GRM5: variants seen among roughly 807,000 people sequenced by gnomAD.
GRM5 encodes glutamate metabotropic receptor 5.
A neutral mutation model predicts 83.1 loss-of-function variants in GRM5; 19 were observed. The ratio of observed to expected loss-of-function variants is 0.23; its 90% CI spans 0.16 to 0.34. The LOEUF (loss-of-function observed/expected upper bound fraction) is 0.34. GRM5 is among the 10% of genes least tolerant of loss of function. The probability of loss-of-function intolerance (pLI) is 1.00; values close to 1 mark genes in which losing one functional copy is unlikely to be tolerated. For synonymous variants in GRM5, 675 were observed against 633.6 expected (o/e 1.07, Z -0.98); for missense variants, 1,160 against 1,588.3 (o/e 0.73, Z 4.58).
chr11:88,954,790 A>G (rs1938559142), intron 2 of GRM5, among the ~76,000 whole-genome samples: 1 of 152,124 alleles, frequency 6.6e-6, no homozygotes. Context: ...TGTTGGCATG[A>G]TAAAGTAGGC....
At chr11:88,532,876 G>A (rs1049864231) in intron 8 of GRM5, among the ~76,000 whole-genome samples, 1 of 152,094 alleles carries the variant, frequency 6.6e-6, no homozygotes, top group African/African-American at 2.4e-5. Flanking sequence ...TTTGTAATCA[G>A]TCAGCATATA....
chr11:88,993,057 A>T (rs1313010565), intron 2 of GRM5, among the ~76,000 whole-genome samples: 4 of 150,772 alleles, frequency 2.7e-5, no homozygotes, highest in Admixed American at 1.3e-4. Flanking sequence ...AAAATAAATA[A>T]AAAAAAAGAT....
chr11:88,638,072 G>A (rs961482631), intron 4 of GRM5, among the ~76,000 whole-genome samples: 8 of 148,818 alleles, frequency 5.4e-5, no homozygotes, highest in African/African-American at 1.5e-4. Flanking sequence ...ACCAAACACT[G>A]CGTATTCTCA....
intron 7 of GRM5, among the ~76,000 whole-genome samples, chr11:88,588,106 C>A (rs189517590): frequency 6.6e-6 from 1 of 152,300 alleles, no homozygotes; most frequent in East Asian, 1.9e-4. Flanking sequence ...TCAGCACCTT[C>A]TTCAAGTAAT....
intron 2 of GRM5, among the ~76,000 whole-genome samples, chr11:88,863,737 AT>A (rs1944610667): frequency 6.6e-6 from 1 of 152,158 alleles, no homozygotes; most frequent in East Asian, 1.9e-4. Context: ...TAGCTTAATT[AT>A]TGTTTATAGA....
chr11:88,779,638 C>T (rs1942934638), intron 3 of GRM5, among the ~76,000 whole-genome samples: 1 of 152,160 alleles, frequency 6.6e-6, no homozygotes, highest in Non-Finnish European at 1.5e-5. Context: ...CTCATACCCA[C>T]CCACGCACAG....
At chr11:88,921,284 G>C (rs1363908648) in intron 2 of GRM5, among the ~76,000 whole-genome samples, 1 of 152,082 alleles carries the variant, frequency 6.6e-6, no homozygotes, top group Admixed American at 6.6e-5. Flanking sequence ...ATGCTGAAAA[G>C]GCATTTGATA....
At position 88,904,718 on chromosome 11, in the gene GRM5, C is replaced by T. The variant is rs552622688; in HGVS notation, c.662-54563G>A. Among the ~76,000 whole-genome samples the T allele has an allele frequency of 2.6e-4, 39 of 152,210 alleles. No individual in the cohort carries two copies. In the Middle Eastern group the frequency reaches 0.01, roughly 40 times the overall value. On this transcript the variant is annotated intron_variant, in intron 2 of 9. Coordinates refer to ENST00000305447, the MANE Select transcript of GRM5 (RefSeq NM_001143831.3). The stretch of plus-strand genomic sequence containing the variant: ...CCATCCTATATGTGCATGTATTACA[C>T]ACAATGCATTTTATCTCTAGAATAT...
At chr11:88,925,100 T>C (rs181110140) in intron 2 of GRM5, among the ~76,000 whole-genome samples, 10 of 152,102 alleles carry the variant, frequency 6.6e-5, no homozygotes, top group African/African-American at 1.9e-4. Context: ...TGTTGAAACA[T>C]AGATAGATAC....
chr11:88,595,738 CTCT>C (rs1937781229), intron 6 of GRM5, among the ~76,000 whole-genome samples: 1 of 152,084 alleles, frequency 6.6e-6, no homozygotes, highest in African/African-American at 2.4e-5. Flanking sequence ...CTCATTGTTC[CTCT>C]TCTTTGACCT....
chr11:88,831,137 C>A (rs1015129078), intron 3 of GRM5, among the ~76,000 whole-genome samples: 2 of 152,148 alleles, frequency 1.3e-5, no homozygotes, highest in African/African-American at 4.8e-5. Flanking sequence ...AGTGAGGTAC[C>A]ATTTTGAGAG....
At chr11:88,762,290 C>T (rs970208339) in intron 3 of GRM5, among the ~76,000 whole-genome samples, 15 of 152,104 alleles carry the variant, frequency 9.9e-5, no homozygotes, top group African/African-American at 1.7e-4. Flanking sequence ...AACTGTGCAT[C>T]TGACAAAGGT....
At chr11:88,715,883 G>A (rs906222805) in intron 3 of GRM5, among the ~76,000 whole-genome samples, 3 of 151,876 alleles carry the variant, frequency 2.0e-5, no homozygotes, top group Non-Finnish European at 2.9e-5. Flanking sequence ...TGAAAGAACC[G>A]AATTAGACTA....
At chr11:88,792,929 G>A (rs552399061) in intron 3 of GRM5, among the ~76,000 whole-genome samples, 1 of 152,192 alleles carries the variant, frequency 6.6e-6, no homozygotes, top group East Asian at 1.9e-4. Flanking sequence ...AGATGGGCAT[G>A]ATCTATTTTT....
chr11:88,595,083 C>CT (rs1261401423), intron 6 of GRM5, among the ~76,000 whole-genome samples: 1 of 151,936 alleles, frequency 6.6e-6, no homozygotes, highest in East Asian at 1.9e-4. Context: ...CCATTACATG[C>CT]TTTTTTATCA....
chr11:88,613,533 G>T (rs981108312), intron 4 of GRM5, among the ~76,000 whole-genome samples: 2 of 152,136 alleles, frequency 1.3e-5, no homozygotes, highest in Non-Finnish European at 2.9e-5. Flanking sequence ...CCATTTGCCT[G>T]ATAGATCTTT....
chr11:89,041,229 G>T (rs1015342966), intron 2 of GRM5, among the ~76,000 whole-genome samples: 3 of 152,180 alleles, frequency 2.0e-5, no homozygotes, highest in African/African-American at 7.2e-5. Context: ...TGATTATTTA[G>T]AACTGTGGAA....
At chr11:88,622,501 C>A (rs1292935173) in intron 4 of GRM5, among the ~76,000 whole-genome samples, 1 of 152,124 alleles carries the variant, frequency 6.6e-6, no homozygotes, top group African/African-American at 2.4e-5. Flanking sequence ...TATGAATACA[C>A]ATTTATTTCA....
rs749064703 is a variant in GRM5 at position 88,567,220 on chromosome 11, C to T, written c.2463G>A (p.Lys821=). The part of the protein sequence containing the change: ...TVALGCMFVP[K]VYIILAKPER... ...CTGGTTTGGCCAGGATGATGTACAC[C>T]TTCGGCACAAACATGCAGCCTAGGG... The change falls in exon 8 of 10, where the codon AAG becomes AAA. Residue 821 remains lysine, a synonymous_variant. Coordinates refer to ENST00000305447, the MANE Select transcript of GRM5 (RefSeq NM_001143831.3). The surrounding 1 kb of genome is among the most constrained non-coding windows in gnomAD (Gnocchi z 7.3). 6.2e-7 allele frequency: 1 copy of T among 1,614,126 alleles called. No individual in the cohort carries two copies.
Sources: gnomAD v4.1 joint callset for allele counts (sites outside exome capture counted in the v4.1 genomes callset) on GRCh38, gnomAD v4.1.1 for gene constraint, Gnocchi (gnomAD v3.1) non-coding constraint, MANE v1.5 for transcripts, NCBI Gene and HGNC (gene_info 2026-07-23, HGNC 2026-07-21) for gene names.